LINGO2: variants seen among roughly 807,000 people sequenced by gnomAD.
LINGO2 encodes the protein leucine rich repeat and Ig domain containing 2.
LINGO2 carries 14 observed loss-of-function variants against 30.6 expected under a neutral mutation model. That is an observed-to-expected ratio of 0.46 (90% CI 0.30 to 0.72). LINGO2 has a LOEUF of 0.72. Ranked by LOEUF, LINGO2 falls within the 30% of genes least tolerant of loss-of-function variation. LINGO2 has a pLI of 0.07. For synonymous variants in LINGO2, 317 were observed against 288.5 expected (o/e 1.10, Z -1.00); for missense variants, 729 against 751.7 (o/e 0.97, Z 0.35).
intron 5 of LINGO2, among the ~76,000 whole-genome samples, chr9:27,998,095 C>T (rs1228923750): frequency 6.6e-6 from 1 of 152,190 alleles, no homozygotes; most frequent in African/African-American, 2.4e-5. Flanking sequence ...CCTTTCTTCT[C>T]TGTATGCACA....
At chr9:28,164,186 A>G (rs1351793709) in intron 4 of LINGO2, among the ~76,000 whole-genome samples, 1 of 152,180 alleles carries the variant, frequency 6.6e-6, no homozygotes, top group Non-Finnish European at 1.5e-5. Flanking sequence ...CATCCTAACT[A>G]GAGGTGATTA....
At chr9:27,947,101 C>T (rs1823394913), downstream of LINGO2, among the ~76,000 whole-genome samples, 1 of 152,072 alleles carries the variant, frequency 6.6e-6, no homozygotes, top group Non-Finnish European at 1.5e-5. Flanking sequence ...TTTTCAGATC[C>T]CTCTTGAAAT....
intron 4 of LINGO2, among the ~76,000 whole-genome samples, chr9:28,253,379 T>G (rs1362809348): frequency 6.6e-6 from 1 of 152,156 alleles, no homozygotes; most frequent in East Asian, 1.9e-4. Context: ...CCTTGACTTG[T>G]GGATGTTAAA....
chr9:28,279,761 G>A (rs1823254051), intron 4 of LINGO2, among the ~76,000 whole-genome samples: 2 of 151,942 alleles, frequency 1.3e-5, no homozygotes. Context: ...TCTCCCAGGA[G>A]GTATGCCAGC....
At chr9:28,947,438 G>C in the LINGO2 span, among the ~76,000 whole-genome samples, 2 of 151,920 alleles carry the variant, frequency 1.3e-5, no homozygotes, top group Non-Finnish European at 2.9e-5. Context: ...TCTTTACTCT[G>C]TGGATAATAA....
chr9:28,978,592 C>T, the LINGO2 span, among the ~76,000 whole-genome samples: 1 of 151,912 alleles, frequency 6.6e-6, no homozygotes, highest in African/African-American at 2.4e-5. Context: ...ATATTAAGTC[C>T]TCAATAAATA....
chr9:28,603,519 C>T lies in LINGO2; in HGVS notation c.-365+66681G>A, dbSNP rs146651374. Among the ~76,000 whole-genome samples the T allele has an allele frequency of 5.1e-3, 768 of 152,062 alleles. 6 individuals carry two copies. Among genetic ancestry groups the T allele is most frequent in the Non-Finnish European group, 9.1e-3 (617 of 67,946 alleles). On this transcript the variant is annotated intron_variant, in intron 1 of 5. Coordinates refer to ENST00000379992, the Ensembl canonical transcript of LINGO2. Reference sequence around the variant, plus strand: ...TTGTAGCCACATTAATGTAAATAACCCACCAGACCAAGGAGGAAATATATA... The same window carrying T: ...TTGTAGCCACATTAATGTAAATAACTCACCAGACCAAGGAGGAAATATATA...
chr9:28,693,796 T>C, the LINGO2 span, among the ~76,000 whole-genome samples: 1 of 152,126 alleles, frequency 6.6e-6, no homozygotes, highest in South Asian at 2.1e-4. Flanking sequence ...TCTTTATACA[T>C]TTATTCATTA....
At chr9:28,951,132 G>A in the LINGO2 span, among the ~76,000 whole-genome samples, 5 of 152,092 alleles carry the variant, frequency 3.3e-5, no homozygotes, top group African/African-American at 1.2e-4. Context: ...ACAAAAACAA[G>A]CAATGGAGAA....
intron 4 of LINGO2, among the ~76,000 whole-genome samples, chr9:28,095,441 G>C (rs1334558719): frequency 2.0e-5 from 3 of 151,990 alleles, no homozygotes; most frequent in African/African-American, 4.8e-5. Context: ...ACAAACCTGA[G>C]GAAAACAAGC....
intron 4 of LINGO2, among the ~76,000 whole-genome samples, chr9:28,291,009 C>G (rs4634753): frequency 0.031 from 4,718 of 152,218 alleles, 141 homozygotes; most frequent in South Asian, 0.094. Context: ...AGGAAAAACC[C>G]TGCACTGACT....
At chr9:28,759,115 C>G in the LINGO2 span, among the ~76,000 whole-genome samples, 1 of 151,978 alleles carries the variant, frequency 6.6e-6, no homozygotes, top group East Asian at 1.9e-4. Context: ...TTTCATGGCT[C>G]TCAAGTGTGA....
chr9:29,157,866 T>C, the LINGO2 span, among the ~76,000 whole-genome samples: 1 of 152,106 alleles, frequency 6.6e-6, no homozygotes, highest in Non-Finnish European at 1.5e-5. Flanking sequence ...CATGAAACAG[T>C]ACTATACACT....
chr9:28,632,706 ATT>A, intron 1 of LINGO2, among the ~76,000 whole-genome samples: 1 of 137,766 alleles, frequency 7.3e-6, no homozygotes, highest in Non-Finnish European at 1.5e-5. Context: ...AGATCTATAT[ATT>A]TATATATAGA....
At chr9:28,186,457 A>G (rs1819546336) in intron 4 of LINGO2, among the ~76,000 whole-genome samples, 1 of 152,198 alleles carries the variant, frequency 6.6e-6, no homozygotes, top group Non-Finnish European at 1.5e-5. Flanking sequence ...TGAACAAAAG[A>G]GCAAAGATCT....
intron 5 of LINGO2, among the ~76,000 whole-genome samples, chr9:28,008,400 G>A (rs73441713): frequency 0.12 from 17,745 of 151,824 alleles, 1,158 homozygotes; most frequent in South Asian, 0.2. Flanking sequence ...TCTTAAATCA[G>A]TGAACATATC....
At chr9:28,858,485 T>A in the LINGO2 span, among the ~76,000 whole-genome samples, 1 of 152,066 alleles carries the variant, frequency 6.6e-6, no homozygotes, top group Admixed American at 6.6e-5. Context: ...TCCTTTTACA[T>A]CTTCAGCCCA....
At chr9:29,084,295 A>G in the LINGO2 span, among the ~76,000 whole-genome samples, 1 of 152,186 alleles carries the variant, frequency 6.6e-6, no homozygotes, top group South Asian at 2.1e-4. Context: ...GTGACCATCA[A>G]CCAAAAAGAG....
At chr9:28,552,299 T>C (rs566842678) in intron 1 of LINGO2, among the ~76,000 whole-genome samples, 1 of 152,120 alleles carries the variant, frequency 6.6e-6, no homozygotes, top group South Asian at 2.1e-4. Flanking sequence ...GTCCTCTTTC[T>C]TGGTTTACCA....
Sources: allele counts gnomAD v4.1 joint callset (sites outside exome capture counted in the v4.1 genomes callset), GRCh38; gene constraint gnomAD v4.1.1; transcripts MANE v1.5; gene names NCBI Gene and HGNC (gene_info 2026-07-23, HGNC 2026-07-21).